Variants in PRPF8 observed in about 807,000 individuals in gnomAD.
The protein encoded by PRPF8 is pre-mRNA-processing-splicing factor 8.
A neutral mutation model predicts 285.9 loss-of-function variants in PRPF8; 64 were observed. The ratio of observed to expected loss-of-function variants is 0.22; its 90% CI spans 0.18 to 0.28. PRPF8 has a LOEUF of 0.28. Ranked by LOEUF, PRPF8 falls within the 10% of genes least tolerant of loss-of-function variation. The probability of loss-of-function intolerance (pLI) is 1.00; values close to 1 mark genes in which losing one functional copy is unlikely to be tolerated. For missense variants in PRPF8, 1,426 were observed against 3,026.7 expected (o/e 0.47, Z 12.41); for synonymous variants, 1,325 against 1,118.2 (o/e 1.18, Z -3.69).
At chr17:1,680,147 T>C (rs1912825143) in intron 8 of PRPF8, among the ~76,000 whole-genome samples, 1 of 152,080 alleles carries the variant, frequency 6.6e-6, no homozygotes, top group South Asian at 2.1e-4. Context: ...TCAAAAACAT[T>C]ATGGTAAGCT....
At position 1,676,150 on chromosome 17, in the gene PRPF8, T is replaced by A; in HGVS notation, c.2552+57A>T. The A allele has an allele frequency of 1.9e-6, 3 of 1,612,256 alleles. No homozygotes were observed. The highest frequency in any genetic ancestry group is 2.5e-6 in the Non-Finnish European group (3 of 1,179,914). ...ACCTTCTTTCTTTGGACTCTGAGGA[T>A]GACGCCATTCCCTGCTGTCACCTTC... On this transcript the variant is annotated intron_variant, in intron 17 of 42. Transcript: ENST00000304992. This position sits in a 1 kb window ranked among gnomAD's most constrained non-coding sequence, Gnocchi z 6.3.
In PRPF8 at chr17:1,655,376, G is replaced by T; in HGVS notation, c.5961C>A (p.Ile1987=). 1 of 1,613,718 alleles carries T rather than the reference G, an allele frequency of 6.2e-7. No individual in the cohort carries two copies. Among genetic ancestry groups the T allele is most frequent in the Non-Finnish European group, 8.5e-7 (1 of 1,180,030 alleles). Residue 1987 remains isoleucine, a synonymous_variant, in exon 37 of 43, where the codon ATC becomes ATA. Coordinates refer to ENST00000304992, the MANE Select transcript of PRPF8 (RefSeq NM_006445.4). ...IKVEVQLKDL[I]LADYGKKNNV... ...TGTTTTTCTTGCCGTAGTCAGCCAA[G>T]ATCAGATCCTTGAGCTGCACCTCGA...
Position 1,682,756 on chromosome 17 carries a change from A to C in PRPF8, c.270-463T>G, listed in dbSNP as rs146083637. 1.1e-4 allele frequency among the ~76,000 whole-genome samples: 17 copies of C among 152,356 alleles called. No homozygotes were observed. In the East Asian group the frequency reaches 3.3e-3, roughly 29 times the overall value. On this transcript the variant is annotated intron_variant, in intron 3 of 42. Coordinates refer to ENST00000304992, the MANE Select transcript of PRPF8 (RefSeq NM_006445.4). ...TCTCTAAGTATTTTTTGAAATAAAC[A>C]AAACTTCCAGTTCATTACATGGCAA... is the stretch of plus-strand genomic sequence containing the variant.
At chr17:1,674,771 C>G in intron 20 of PRPF8, 91 bp from the exon 21 acceptor site, 3 of 1,371,924 alleles carry the variant, frequency 2.2e-6, no homozygotes, top group Non-Finnish European at 3.1e-6. Flanking sequence ...TCAGCAAATT[C>G]TACTTTTTTC....
chr17:1,679,543 A>C lies in PRPF8; in HGVS notation c.1289+66T>G. ...AATTTAAAAAAAAGGCTACATGCCC[A>C]CCTAGTTGGAGTCTTTTCTCCTACA... On this transcript the variant is annotated intron_variant, in intron 9 of 42. Coordinates refer to ENST00000304992, the MANE Select transcript of PRPF8 (RefSeq NM_006445.4). This position sits in a 1 kb window ranked among gnomAD's most constrained non-coding sequence, Gnocchi z 4.7. The C allele has an allele frequency of 6.2e-7, 1 of 1,601,000 alleles. No individual in the cohort carries two copies. The highest frequency in any genetic ancestry group is 2.2e-5 in the East Asian group (1 of 44,832).
Position 1,673,482 on chromosome 17 carries a change from A to T in PRPF8, c.3532T>A (p.Tyr1178Asn). 1 of 1,614,144 alleles carries T rather than the reference A, an allele frequency of 6.2e-7. No individual in the cohort carries two copies. Among genetic ancestry groups the T allele is most frequent in the Non-Finnish European group, 8.5e-7 (1 of 1,180,024 alleles). The change falls in exon 23 of 43, where the codon TAC becomes AAC. Residue 1178 changes from tyrosine to asparagine, a missense_variant. Coordinates refer to ENST00000304992, the MANE Select transcript of PRPF8 (RefSeq NM_006445.4). This position sits in a 1 kb window ranked among gnomAD's most constrained non-coding sequence, Gnocchi z 5.5. ...VQWENSFVSV[Y>N]SKDNPNLLFN... ...AGCAGGTTGGGGTTGTCCTTACTGT[A>T]CACAGACACGAAGCTGTTCTCCCAC...
At chr17:1,671,577 T>C (rs1447126704) in intron 24 of PRPF8, among the ~76,000 whole-genome samples, 1 of 151,532 alleles carries the variant, frequency 6.6e-6, no homozygotes, top group Non-Finnish European at 1.5e-5. Context: ...TCAGGCCGGG[T>C]GTGGTGGCTC....
chr17:1,661,586 T>G lies in PRPF8; in HGVS notation c.4202+25A>C, dbSNP rs781633683. 6.2e-7 allele frequency: 1 copy of G among 1,612,370 alleles called. No individual in the cohort carries two copies. The highest frequency in any genetic ancestry group is 2.2e-5 in the East Asian group (1 of 44,888). On this transcript the variant is annotated intron_variant, in intron 26 of 42. Coordinates refer to ENST00000304992, the MANE Select transcript of PRPF8 (RefSeq NM_006445.4). The surrounding 1 kb of genome is among the most constrained non-coding windows in gnomAD (Gnocchi z 7.3). ...GGCCACCACTGCCCCTGCCCCAGGGTTGGCATGCCCTCCTAGGTGCCCACC... is the reference window on the plus strand; with the variant it reads ...GGCCACCACTGCCCCTGCCCCAGGGGTGGCATGCCCTCCTAGGTGCCCACC...
chr17:1,676,797 G>C lies in PRPF8; in HGVS notation c.2182-86C>G. The C allele has an allele frequency of 6.5e-7, 1 of 1,531,478 alleles. No homozygotes were observed. Among genetic ancestry groups the C allele is most frequent in the Non-Finnish European group, 9.0e-7 (1 of 1,112,824 alleles). The allele number at this position is 1,531,478 out of a possible 1,614,324, so 94.9% of individuals were successfully genotyped here. ...TAGTCCCGGCTACTCAGGAGGCTAA[G>C]GAGGATCGCTTGAGCTCAGGAGCTT... is the stretch of plus-strand genomic sequence containing the variant. On this transcript the variant is annotated intron_variant, in intron 15 of 42. Transcript: ENST00000304992. This position sits in a 1 kb window ranked among gnomAD's most constrained non-coding sequence, Gnocchi z 6.3.
chr17:1,655,490 C>T lies in PRPF8; in HGVS notation c.5847G>A (p.Arg1949=). ...TGTCTGGCTTCAGGATCACTTTTGC[C>T]CGATCGTTGTTCACATGTAGGGCAC... The part of the protein sequence containing the change: ...ILRALHVNND[R]AKVILKPDKT... Residue 1949 remains arginine (R), a synonymous_variant, in exon 37 of 43, where the codon CGG becomes CGA. Coordinates refer to ENST00000304992, the MANE Select transcript of PRPF8 (RefSeq NM_006445.4). 1 of 1,614,026 alleles carries T rather than the reference C, an allele frequency of 6.2e-7. No homozygotes were observed. The highest frequency in any genetic ancestry group is 8.5e-7 in the Non-Finnish European group (1 of 1,179,986).
Position 1,682,594 on chromosome 17 carries a change from T to C in PRPF8, c.270-301A>G, listed in dbSNP as rs374515562. On this transcript the variant is annotated intron_variant, in intron 3 of 42. Transcript: ENST00000304992. ...ATCCTATTCCCTCCGCATCTTCCCA[T>C]AAATCATAATAAAGTATTCACCATA... 1.7e-4 allele frequency among the ~76,000 whole-genome samples: 26 copies of C among 152,232 alleles called. 1 individual carries two copies. In the East Asian group the frequency reaches 4.0e-3, roughly 24 times the overall value.
chr17:1,653,437 G>GA lies in PRPF8; in HGVS notation c.6369+104dup. ...TATCCTTGTATAATTACTCATCCAT[G>GA]AATCTTGAAACCAGCATCTCAAGTT... On this transcript the variant is annotated intron_variant, in intron 39 of 42. Transcript: ENST00000304992. The surrounding 1 kb of genome is among the most constrained non-coding windows in gnomAD (Gnocchi z 4.9). 6.7e-7 allele frequency: 1 copy of GA among 1,497,944 alleles called. No homozygotes were observed. The highest frequency in any genetic ancestry group is 9.3e-7 in the Non-Finnish European group (1 of 1,079,734). 92.8% of individuals were successfully genotyped at this position (1,497,944 alleles called of 1,614,324 possible). A position where few individuals can be genotyped will look rare whatever the true frequency, so the allele number is the denominator to read the frequency against.
rs372181957 is a variant in PRPF8, at chr17:1,651,392, C to T, written c.6650+22G>A. The T allele has an allele frequency of 9.8e-5, 158 of 1,614,126 alleles. No individual in the cohort carries two copies. In the African/African-American group the frequency reaches 2.0e-3, roughly 20 times the overall value. On this transcript the variant is annotated intron_variant, in intron 41 of 42. Coordinates refer to ENST00000304992, the MANE Select transcript of PRPF8 (RefSeq NM_006445.4). This position sits in a 1 kb window ranked among gnomAD's most constrained non-coding sequence, Gnocchi z 5.1. ...TGCAATCCCTGCCCCACCATACTTCCTCCCAAGGAGCCCAGGCCCACCTGC... is the reference window on the plus strand; with the variant it reads ...TGCAATCCCTGCCCCACCATACTTCTTCCCAAGGAGCCCAGGCCCACCTGC...
chr17:1,659,076 A>T lies in PRPF8; in HGVS notation c.5138+281T>A. On this transcript the variant is annotated intron_variant, in intron 32 of 42. Coordinates refer to ENST00000304992, the MANE Select transcript of PRPF8 (RefSeq NM_006445.4). The surrounding 1 kb of genome is among the most constrained non-coding windows in gnomAD (Gnocchi z 5.1). ...AGTCTCACTCTGTCGCCCAGGCTGG[A>T]GTGCAGTGGCGCAATCTCGGTTCAC... The T allele has an allele frequency of 1.7e-6, 1 of 583,286 alleles. No homozygotes were observed. The highest frequency in any genetic ancestry group is 3.0e-6 in the Non-Finnish European group (1 of 333,168). 36.1% of individuals were successfully genotyped at this position (583,286 alleles called of 1,614,324 possible).
chr17:1,667,092 A>G (rs56893914), intron 24 of PRPF8, among the ~76,000 whole-genome samples: 27 of 152,142 alleles, frequency 1.8e-4, no homozygotes, highest in African/African-American at 6.0e-4. Flanking sequence ...AGAATTACTT[A>G]AACCCGGGAG....
chr17:1,677,374 G>C (rs755169706), intron 14 of PRPF8, 191 bp downstream of exon 14: 23 of 975,338 alleles, frequency 2.4e-5, no homozygotes, highest in East Asian at 1.3e-4. Context: ...TCCTGCAAAT[G>C]CATGACTGCC....
chr17:1,682,417 G>T, intron 3 of PRPF8, 124 bp from the exon 4 acceptor site: 1 of 1,237,820 alleles, frequency 8.1e-7, no homozygotes, highest in Non-Finnish European at 1.2e-6. Context: ...CCCAAACTTA[G>T]CCCACAGGCC....
Position 1,679,921 on chromosome 17 carries a change from C to G in PRPF8, c.1099-122G>C, listed in dbSNP as rs1308463279. On this transcript the variant is annotated intron_variant, in intron 8 of 42. Transcript: ENST00000304992. This position sits in a 1 kb window ranked among gnomAD's most constrained non-coding sequence, Gnocchi z 4.7. ...CTGCTATGGAAACTGGGCTGTCTGACAAAAGCAGCCCTGAAGTGCCAGCAC... is the reference window on the plus strand; with the variant it reads ...CTGCTATGGAAACTGGGCTGTCTGAGAAAAGCAGCCCTGAAGTGCCAGCAC... 8.5e-7 allele frequency: 1 copy of G among 1,171,352 alleles called. No individual in the cohort carries two copies. Among genetic ancestry groups the G allele is most frequent in the African/African-American group, 1.5e-5 (1 of 66,144 alleles). The allele number at this position is 1,171,352 out of a possible 1,614,324, so 72.6% of individuals were successfully genotyped here. A position where few individuals can be genotyped will look rare whatever the true frequency, so the allele number is the denominator to read the frequency against.
rs544253075 is a variant in PRPF8, at chr17:1,675,776, C to T, written c.2716G>A (p.Val906Ile). ...IEFMDLYSHL[V>I]PVYDVEPLEK... is the part of the protein sequence containing the mutation. ...AGGGGCTCAACATCATATACTGGAA[C>T]GAGGTGGCTATACAGATCCATGAAC... Residue 906 changes from valine to isoleucine, a missense_variant, in exon 19 of 43, where the codon GTT (valine) becomes ATT (isoleucine). By Grantham distance (29) the Val-to-Ile change is conservative (BLOSUM62 3). Transcript: ENST00000304992. This position sits in a 1 kb window ranked among gnomAD's most constrained non-coding sequence, Gnocchi z 6.0. The T allele has an allele frequency of 3.7e-5, 60 of 1,614,146 alleles. No individual in the cohort carries two copies. Among genetic ancestry groups the T allele is most frequent in the African/African-American group, 5.3e-5 (4 of 75,036 alleles).
Sources: gnomAD v4.1 joint callset for allele counts (sites outside exome capture counted in the v4.1 genomes callset) on GRCh38, gnomAD v4.1.1 for gene constraint, Gnocchi (gnomAD v3.1) non-coding constraint, MANE v1.5 for transcripts, NCBI Gene and HGNC (gene_info 2026-07-23, HGNC 2026-07-21) for gene names.